Variants in APPBP2 observed in about 807,000 individuals in gnomAD.
The protein encoded by APPBP2 is amyloid beta precursor protein binding protein 2.
APPBP2 carries 15 observed loss-of-function variants against 76.0 expected under a neutral mutation model. That is an observed-to-expected ratio of 0.20 (90% CI 0.13 to 0.30). The LOEUF (loss-of-function observed/expected upper bound fraction) is 0.30, where lower values mean the gene tolerates loss of function less well. Ranked by LOEUF, APPBP2 falls within the 10% of genes least tolerant of loss-of-function variation. The pLI is 1.00. For synonymous variants in APPBP2, 222 were observed against 242.2 expected, an observed-to-expected ratio of 0.92 and a Z score of 0.77; for missense variants, 401 against 687.2, an observed-to-expected ratio of 0.58 and a Z score of 4.66.
chr17:60,517,121 G>A (rs1727522188), intron 1 of APPBP2, among the ~76,000 whole-genome samples: 1 of 152,088 alleles, frequency 6.6e-6, no homozygotes, highest in Non-Finnish European at 1.5e-5. Context: ...GATTACAAGT[G>A]CCTGTCACCA....
chr17:60,525,946 C>T lies in APPBP2; in HGVS notation c.-15G>A. On this transcript the variant is annotated 5_prime_UTR_variant, in exon 1 of 13. Coordinates refer to ENST00000083182, the MANE Select transcript of APPBP2 (RefSeq NM_006380.5). The stretch of plus-strand genomic sequence containing the variant: ...ACGGCCGCCATCTTCCTTCCCTCCT[C>T]CTCCGCCTCCTCCGCCTCCTCCTCC... 3 of 1,557,946 alleles carry T rather than the reference C, an allele frequency of 1.9e-6. No homozygotes were observed. The highest frequency in any genetic ancestry group is 2.6e-6 in the Non-Finnish European group (3 of 1,149,294).
At chr17:60,470,854 G>A (rs8076466) in intron 4 of APPBP2, among the ~76,000 whole-genome samples, 12,159 of 143,090 alleles carry the variant, frequency 0.085, 1,388 homozygotes, top group African/African-American at 0.29. Context: ...GCAGTGGCAC[G>A]ATCTCAGCTC....
At chr17:60,471,795 T>C (rs909658935) in intron 4 of APPBP2, among the ~76,000 whole-genome samples, 4 of 152,116 alleles carry the variant, frequency 2.6e-5, no homozygotes, top group Non-Finnish European at 5.9e-5. Context: ...GTGATGTCAT[T>C]TTTGGTCTTT....
intron 2 of APPBP2, 32 bp downstream of exon 2, chr17:60,500,367 T>G (rs780141994): frequency 1.4e-6 from 2 of 1,391,092 alleles, no homozygotes; most frequent in Non-Finnish European, 2.0e-6. Context: ...TTATGTTATG[T>G]ATATTTTACA....
intron 3 of APPBP2, among the ~76,000 whole-genome samples, chr17:60,481,264 T>A (rs969554327): frequency 6.6e-6 from 1 of 152,200 alleles, no homozygotes. Flanking sequence ...GTTCCCTTTT[T>A]GCCTCTTTAG....
chr17:60,475,342 C>T (rs773623117), intron 4 of APPBP2, among the ~76,000 whole-genome samples: 1 of 152,100 alleles, frequency 6.6e-6, no homozygotes, highest in African/African-American at 2.4e-5. Context: ...TTGGCTCAAA[C>T]GATCCTCCTG....
At chr17:60,465,237 C>G (rs1304542499) in intron 5 of APPBP2, 1 of 152,132 alleles carries the variant, frequency 6.6e-6, no homozygotes, top group Non-Finnish European at 1.5e-5. Flanking sequence ...GTGTCTTGAT[C>G]AAAGCGTAGG....
chr17:60,500,723 A>G (rs1257187653), intron 1 of APPBP2, among the ~76,000 whole-genome samples: 1 of 152,206 alleles, frequency 6.6e-6, no homozygotes, highest in African/African-American at 2.4e-5. Flanking sequence ...CAAGTACTAC[A>G]AAGTGCTGTA....
intron 1 of APPBP2, among the ~76,000 whole-genome samples, chr17:60,514,070 G>A (rs553528097): frequency 1.3e-5 from 2 of 148,780 alleles, no homozygotes; most frequent in East Asian, 4.0e-4. Flanking sequence ...ATTTTGAAAG[G>A]CTGTGGCAGG....
At chr17:60,486,796 C>T (rs188002580) in intron 3 of APPBP2, among the ~76,000 whole-genome samples, 65 of 152,284 alleles carry the variant, frequency 4.3e-4, no homozygotes, top group Non-Finnish European at 6.0e-4. Flanking sequence ...CATCGATGGT[C>T]TTTACAATTT....
chr17:60,489,945 G>A lies in APPBP2; in HGVS notation c.379+4521C>T, dbSNP rs535984875. Among the ~76,000 whole-genome samples, 3 of 152,252 alleles carry A rather than the reference G, an allele frequency of 2.0e-5. No homozygotes were observed. In the East Asian group the frequency reaches 5.8e-4, roughly 29 times the overall value. Reference sequence around the variant, plus strand: ...GGCTACTTGGGAGGCTGAGGAAGGAGAATAGCTTGAACACAAGAGGCGGAA... The same window carrying A: ...GGCTACTTGGGAGGCTGAGGAAGGAAAATAGCTTGAACACAAGAGGCGGAA... On this transcript the variant is annotated intron_variant, in intron 3 of 12. Coordinates refer to ENST00000083182, the MANE Select transcript of APPBP2 (RefSeq NM_006380.5).
intron 9 of APPBP2, among the ~76,000 whole-genome samples, chr17:60,457,578 G>A (rs1048033315): frequency 1.3e-5 from 2 of 151,772 alleles, no homozygotes; most frequent in Non-Finnish European, 2.9e-5. Context: ...GGTGTACACT[G>A]CCATGCCCAA....
Position 60,443,665 on chromosome 17 carries a change from T to C in APPBP2, c.*3916A>G, listed in dbSNP as rs1009153018. The C allele has an allele frequency of 2.0e-5, 3 of 152,622 alleles. No homozygotes were observed. The highest frequency in any genetic ancestry group is 2.9e-5 in the Non-Finnish European group (2 of 68,030). The allele number at this position is 152,622 out of a possible 1,614,324, so 9.5% of individuals were successfully genotyped here. A position where few individuals can be genotyped will look rare whatever the true frequency, so the allele number is the denominator to read the frequency against. On this transcript the variant is annotated 3_prime_UTR_variant, in exon 13 of 13. Transcript: ENST00000083182. ...AACGGTACCTGCAATGGTTATTTAG[T>C]GATCCAACACTTAACTGTGCACCAC...
chr17:60,480,377 AAAC>A (rs538334192), intron 3 of APPBP2, among the ~76,000 whole-genome samples: 18 of 152,222 alleles, frequency 1.2e-4, no homozygotes, highest in East Asian at 3.9e-4. Flanking sequence ...ACCTTGTCTC[AAAC>A]AACAACAACA....
rs2090431496 is a variant in APPBP2, at chr17:60,456,380, A to C, written c.1063T>G (p.Phe355Val). Residue 355 changes from phenylalanine to valine, a missense_variant and splice_region_variant, in exon 10 of 13, where the codon TTT (phenylalanine) becomes GTT (valine). Phe to Val is a conservative substitution (Grantham distance 50). Around this residue, in one of 5 missense-constraint regions of APPBP2, gnomAD observed 130 missense variants for 322.7 expected, o/e 0.40. Coordinates refer to ENST00000083182, the MANE Select transcript of APPBP2 (RefSeq NM_006380.5). ...ATACCAATAGCTCTTTCTGCATGAA[A>C]TCTGTAATACAGATAGATACAGTCT... is the stretch of plus-strand genomic sequence containing the variant. Reference protein sequence around the residue: ...YSSGKFDNALFHAERAIGIIT... With the variant: ...YSSGKFDNALVHAERAIGIIT... The C allele has an allele frequency of 6.3e-7, 1 of 1,583,570 alleles. No homozygotes were observed. Among genetic ancestry groups the C allele is most frequent in the African/African-American group, 1.3e-5 (1 of 74,282 alleles).
At chr17:60,496,168 G>A (rs2143440315) in intron 2 of APPBP2, among the ~76,000 whole-genome samples, 1 of 152,308 alleles carries the variant, frequency 6.6e-6, no homozygotes, top group East Asian at 1.9e-4. Flanking sequence ...AGAGGAAATG[G>A]AGTTGACTGT....
At chr17:60,501,428 G>GC (rs924553914) in intron 1 of APPBP2, among the ~76,000 whole-genome samples, 1 of 152,116 alleles carries the variant, frequency 6.6e-6, no homozygotes, top group African/African-American at 2.4e-5. Context: ...TGTTGCCCAG[G>GC]CAATACAATA....
intron 3 of APPBP2, among the ~76,000 whole-genome samples, chr17:60,483,899 T>C (rs2090651471): frequency 6.6e-6 from 1 of 152,138 alleles, no homozygotes; most frequent in South Asian, 2.1e-4. Flanking sequence ...CTTGAATTAA[T>C]TTTTGTATAA....
chr17:60,525,752 G>C, intron 1 of APPBP2, 42 bp downstream of exon 1: 1 of 1,611,760 alleles, frequency 6.2e-7, no homozygotes, highest in Non-Finnish European at 8.5e-7. Flanking sequence ...GCGGCCCCCG[G>C]GGTTGCTGGA....
Sources: allele counts gnomAD v4.1 joint callset (sites outside exome capture counted in the v4.1 genomes callset), GRCh38; gene constraint gnomAD v4.1.1; regional missense constraint gnomAD v4.1.1; transcripts MANE v1.5; gene names NCBI Gene and HGNC (gene_info 2026-07-23, HGNC 2026-07-21).